Variants in EDARADD observed in about 807,000 individuals in gnomAD.
The protein encoded by EDARADD is EDAR associated via death domain, also known as ectodysplasin-A receptor-associated adapter protein.
Under a neutral mutation model 25.6 loss-of-function variants are expected in EDARADD, and 20 were observed. The observed-to-expected ratio is 0.78, with a 90% CI of 0.55 to 1.14. The LOEUF is 1.14. Among genes scored for constraint, EDARADD ranks in the 50% most tolerant of loss-of-function variants. The pLI, the probability that EDARADD is intolerant of heterozygous loss-of-function variation, is 0.00. For missense variants in EDARADD, 225 were observed against 270.1 expected, an observed-to-expected ratio of 0.83 and a Z score of 1.17; for synonymous variants, 86 against 94.4, an observed-to-expected ratio of 0.91 and a Z score of 0.52.
chr1:236,447,403 C>G (rs544600597), intron 4 of EDARADD, among the ~76,000 whole-genome samples: 4 of 151,962 alleles, frequency 2.6e-5, no homozygotes, highest in Non-Finnish European at 2.9e-5. Flanking sequence ...ATTACAGGCA[C>G]GTGCCGCCAC....
chr1:236,463,544 C>T (rs1475375938), intron 4 of EDARADD, among the ~76,000 whole-genome samples: 2 of 152,206 alleles, frequency 1.3e-5, no homozygotes, highest in African/African-American at 4.8e-5. Flanking sequence ...CAGCCCGCCT[C>T]GCCTCCCCAG....
intron 3 of EDARADD, among the ~76,000 whole-genome samples, chr1:236,381,758 TA>T (rs1190503957): frequency 6.7e-6 from 1 of 148,734 alleles, no homozygotes; most frequent in Non-Finnish European, 1.5e-5. Flanking sequence ...TCCTTGTTTT[TA>T]TGCCTCTGTA....
rs1482513903 is a variant in EDARADD at position 236,455,859 on chromosome 1, T to G, written c.220-12372T>G. Reference sequence around the variant, plus strand: ...GGCTGGAGAGCAGTTGCGCGATCTTTGCTCACTGCAACCTCTGCCTCCCGG... The same window carrying G: ...GGCTGGAGAGCAGTTGCGCGATCTTGGCTCACTGCAACCTCTGCCTCCCGG... On this transcript the variant is annotated intron_variant, in intron 4 of 5. Transcript: ENST00000334232. Among the ~76,000 whole-genome samples, 35 of 152,212 alleles carry G rather than the reference T, an allele frequency of 2.3e-4. 1 individual carries two copies. The highest frequency in any genetic ancestry group is 8.4e-4 in the African/African-American group (35 of 41,458).
intron 3 of EDARADD, among the ~76,000 whole-genome samples, chr1:236,373,622 A>G (rs1460361453): frequency 6.6e-6 from 1 of 151,698 alleles, no homozygotes; most frequent in Non-Finnish European, 1.5e-5. Flanking sequence ...GGTTTTGTTG[A>G]TTTTTTTCTA....
At chr1:236,428,728 C>T (rs1255862812) in intron 4 of EDARADD, among the ~76,000 whole-genome samples, 2 of 148,238 alleles carry the variant, frequency 1.3e-5, no homozygotes, top group South Asian at 2.2e-4. Context: ...ACTTCCCAGA[C>T]GGGGTGGCGG....
At chr1:236,471,087 C>T (rs1035174538) in intron 5 of EDARADD, among the ~76,000 whole-genome samples, 8 of 152,072 alleles carry the variant, frequency 5.3e-5, no homozygotes, top group East Asian at 3.8e-4. Flanking sequence ...GTTTTTTTCA[C>T]GTGCTTTCTC....
chr1:236,483,964 C>G lies in EDARADD; in HGVS notation c.*1315C>G. ...CTGGAATTCAAGTTTCTCGACGACC[C>G]CACCAGGTACATCTCACCTGACTGT... is the stretch of plus-strand genomic sequence containing the variant. On this transcript the variant is annotated 3_prime_UTR_variant, in exon 6 of 6. Transcript: ENST00000334232. The G allele has an allele frequency of 7.3e-7, 1 of 1,367,676 alleles. No individual in the cohort carries two copies. The allele number at this position is 1,367,676 out of a possible 1,614,324, so 84.7% of individuals were successfully genotyped here.
rs34509027 is a variant in EDARADD at position 236,385,089 on chromosome 1, C to CTTTT, written c.-5-24113_-5-24110dup. Among the ~76,000 whole-genome samples, 148 of 121,944 alleles carry CTTTT rather than the reference C, an allele frequency of 1.2e-3. 2 individuals are homozygous for CTTTT. The highest frequency in any genetic ancestry group is 1.9e-3 in the Non-Finnish European group (121 of 62,460). The allele number at this position is 121,944 out of a possible 152,430, so 80.0% of individuals were successfully genotyped here. A position where few individuals can be genotyped will look rare whatever the true frequency, so the allele number is the denominator to read the frequency against. On this transcript the variant is annotated intron_variant, in intron 3 of 7. Transcript: ENST00000439430. Reference sequence around the variant, plus strand: ...GATTTTTATTCTATGCCTTTTGATTCTTTTTTTTTTTTTTTTTGCCTTAAG... The same window carrying CTTTT: ...GATTTTTATTCTATGCCTTTTGATTCTTTTTTTTTTTTTTTTTTTTTGCCTTAAG...
At chr1:236,350,289 C>G (rs1666901846) in intron 2 of EDARADD, among the ~76,000 whole-genome samples, 1 of 152,092 alleles carries the variant, frequency 6.6e-6, no homozygotes, top group Admixed American at 6.5e-5. Flanking sequence ...GAAAGTAAGT[C>G]ATGATATATA....
At chr1:236,393,166 A>C (rs919011768), upstream of EDARADD, among the ~76,000 whole-genome samples, 1 of 152,108 alleles carries the variant, frequency 6.6e-6, no homozygotes, top group Non-Finnish European at 1.5e-5. Flanking sequence ...TTCTTACTTA[A>C]TGTAACACAA....
chr1:236,363,006 A>ATATATAT (rs1553262239), intron 3 of EDARADD, among the ~76,000 whole-genome samples: 10 of 42,946 alleles, frequency 2.3e-4, no homozygotes, highest in African/African-American at 3.3e-4. Context: ...AAAAAAAAAA[A>ATATATAT]ATATATATAT....
intron 4 of EDARADD, among the ~76,000 whole-genome samples, chr1:236,430,582 A>G (rs997768371): frequency 1.3e-5 from 2 of 151,600 alleles, no homozygotes; most frequent in African/African-American, 4.8e-5. Flanking sequence ...TACCTCTTTG[A>G]GATTTTTAAA....
intron 1 of EDARADD, among the ~76,000 whole-genome samples, chr1:236,404,116 C>T (rs911838467): frequency 6.6e-6 from 1 of 152,198 alleles, no homozygotes; most frequent in Non-Finnish European, 1.5e-5. Context: ...CACGTGGCCC[C>T]GCTTCTCCTC....
chr1:236,474,048 T>C (rs1571957644), intron 5 of EDARADD, among the ~76,000 whole-genome samples: 1 of 152,140 alleles, frequency 6.6e-6, no homozygotes, highest in Non-Finnish European at 1.5e-5. Context: ...CTCCATTTTA[T>C]AGATGAGGAG....
chr1:236,411,512 CCTT>C (rs71559952), intron 2 of EDARADD, among the ~76,000 whole-genome samples: 67,157 of 150,518 alleles, frequency 0.45, 17,301 homozygotes, highest in Non-Finnish European at 0.59. Context: ...TTCTCCCTCT[CCTT>C]CTTCTTTCTT....
chr1:236,371,138 A>G (rs910234755), intron 3 of EDARADD, among the ~76,000 whole-genome samples: 29 of 152,184 alleles, frequency 1.9e-4, no homozygotes, highest in African/African-American at 7.0e-4. Flanking sequence ...GATCTTGTAC[A>G]TATTTTGTTA....
chr1:236,479,417 C>T (rs1024405472), intron 5 of EDARADD, among the ~76,000 whole-genome samples: 1 of 151,772 alleles, frequency 6.6e-6, no homozygotes, highest in Admixed American at 6.6e-5. Flanking sequence ...ATTGCTTGAG[C>T]CTAGGAGGTT....
chr1:236,474,333 T>C (rs1452685499), intron 5 of EDARADD, among the ~76,000 whole-genome samples: 3 of 152,198 alleles, frequency 2.0e-5, no homozygotes, highest in Non-Finnish European at 4.4e-5. Flanking sequence ...TTTGAGCCAC[T>C]GCTCAAACGA....
chr1:236,438,244 A>G (rs762569256), intron 4 of EDARADD, among the ~76,000 whole-genome samples: 1 of 152,244 alleles, frequency 6.6e-6, no homozygotes, highest in Admixed American at 6.5e-5. Context: ...AAACACAGTC[A>G]CATTCCAAGG....
Sources: allele counts gnomAD v4.1 joint callset (sites outside exome capture counted in the v4.1 genomes callset), GRCh38; gene constraint gnomAD v4.1.1; transcripts MANE v1.5; gene names NCBI Gene and HGNC (gene_info 2026-07-23, HGNC 2026-07-21).